The following SUCLG2 variants were observed in gnomAD, a reference collection of about 807,000 sequenced individuals.
The protein encoded by SUCLG2 is succinate--CoA ligase [GDP-forming] subunit beta, mitochondrial.
SUCLG2 carries 42 observed loss-of-function variants against 47.9 expected under a neutral mutation model. The ratio of observed to expected loss-of-function variants is 0.88; its 90% CI spans 0.69 to 1.14. The LOEUF (loss-of-function observed/expected upper bound fraction) is 1.14, where lower values mean the gene tolerates loss of function less well. Among genes scored for constraint, SUCLG2 ranks in the 50% most tolerant of loss-of-function variants. SUCLG2 has a pLI of 0.00. For synonymous variants in SUCLG2, 195 were observed against 197.3 expected (o/e 0.99, Z 0.10); for missense variants, 571 against 525.9 (o/e 1.09, Z -0.84).
chr3:67,539,562 T>C (rs2107171247), intron 2 of SUCLG2, among the ~76,000 whole-genome samples: 1 of 152,370 alleles, frequency 6.6e-6, no homozygotes, highest in East Asian at 1.9e-4. Flanking sequence ...ATCAGGATGA[T>C]GCTGGCATCA....
chr3:67,360,797 AG>A, intron 10 of SUCLG2: 1 of 1,488,572 alleles, frequency 6.7e-7, no homozygotes, highest in Non-Finnish European at 8.9e-7. Flanking sequence ...TCTTGTAATG[AG>A]TTTTTTCTTG....
At chr3:67,370,279 T>TA (rs1207595479), downstream of SUCLG2, among the ~76,000 whole-genome samples, 1 of 152,178 alleles carries the variant, frequency 6.6e-6, no homozygotes, top group African/African-American at 2.4e-5. Flanking sequence ...ATATGTTTAA[T>TA]AAAGAACAAT....
At chr3:67,587,413 G>A (rs941674725) in intron 2 of SUCLG2, among the ~76,000 whole-genome samples, 6 of 152,176 alleles carry the variant, frequency 3.9e-5, no homozygotes, top group African/African-American at 9.7e-5. Context: ...CCCATATTGC[G>A]TCTGCAGTCA....
At chr3:67,589,309 C>T (rs1263174019) in intron 2 of SUCLG2, among the ~76,000 whole-genome samples, 5 of 152,324 alleles carry the variant, frequency 3.3e-5, no homozygotes, top group Admixed American at 1.3e-4. Flanking sequence ...TAAGTCTTTA[C>T]ATGGTTTTCT....
chr3:67,636,353 C>CTT (rs373165988), intron 1 of SUCLG2, among the ~76,000 whole-genome samples: 10 of 138,002 alleles, frequency 7.2e-5, no homozygotes, highest in African/African-American at 2.1e-4. Flanking sequence ...AGGCAGAATC[C>CTT]TTTTTTTTTT....
chr3:67,645,633 T>C (rs1402301579), intron 1 of SUCLG2, among the ~76,000 whole-genome samples: 1 of 152,132 alleles, frequency 6.6e-6, no homozygotes, highest in African/African-American at 2.4e-5. Flanking sequence ...ATTTTAATGA[T>C]ACATCACTTT....
At chr3:67,364,755 T>C (rs564165974) in intron 10 of SUCLG2, among the ~76,000 whole-genome samples, 1 of 152,140 alleles carries the variant, frequency 6.6e-6, no homozygotes, top group Non-Finnish European at 1.5e-5. Context: ...AATGTCCAAG[T>C]TTCAATCGAG....
intron 2 of SUCLG2, among the ~76,000 whole-genome samples, chr3:67,547,629 G>A (rs1331337586): frequency 6.6e-6 from 1 of 152,092 alleles, no homozygotes; most frequent in African/African-American, 2.4e-5. Context: ...TACCCTAGAA[G>A]AATTTCCCAG....
chr3:67,438,168 T>A (rs1703669993), intron 9 of SUCLG2, among the ~76,000 whole-genome samples: 3 of 152,188 alleles, frequency 2.0e-5, no homozygotes, highest in African/African-American at 7.2e-5. Flanking sequence ...AATAAATAAG[T>A]TCTTTGAAAC....
intron 2 of SUCLG2, among the ~76,000 whole-genome samples, chr3:67,587,337 G>A (rs1708049984): frequency 6.6e-6 from 1 of 152,276 alleles, no homozygotes; most frequent in Admixed American, 6.5e-5. Flanking sequence ...AGGCCAAGCT[G>A]GCTTGCTAAG....
intron 1 of SUCLG2, among the ~76,000 whole-genome samples, chr3:67,650,275 C>G (rs916061673): frequency 6.6e-6 from 1 of 152,230 alleles, no homozygotes; most frequent in African/African-American, 2.4e-5. Context: ...CCTTCACTTA[C>G]AAAAGTCATG....
At chr3:67,498,666 T>A (rs189735297) in intron 7 of SUCLG2, among the ~76,000 whole-genome samples, 1 of 152,312 alleles carries the variant, frequency 6.6e-6, no homozygotes, top group African/African-American at 2.4e-5. Context: ...CACCTTTCTC[T>A]TCTATGTAAA....
chr3:67,632,121 T>C (rs186263265), intron 1 of SUCLG2, among the ~76,000 whole-genome samples: 99 of 152,298 alleles, frequency 6.5e-4, no homozygotes, highest in African/African-American at 2.1e-3. Flanking sequence ...CATTGAGCCA[T>C]ATATTATGTA....
Position 67,403,979 on chromosome 3 carries a change from G to A in SUCLG2, c.1063-3128C>T, listed in dbSNP as rs572180648. ...TGACTCACTGCAACCTCCGCCTCCTGGGTTCAAGTGGTTCTCATACCTCAG... is the reference window on the plus strand; with the variant it reads ...TGACTCACTGCAACCTCCGCCTCCTAGGTTCAAGTGGTTCTCATACCTCAG... On this transcript the variant is annotated intron_variant, in intron 9 of 10. Coordinates refer to ENST00000307227, the MANE Select transcript of SUCLG2 (RefSeq NM_003848.4). Among the ~76,000 whole-genome samples, 901 of 152,214 alleles carry A rather than the reference G, an allele frequency of 5.9e-3. 9 individuals carry two copies. The highest frequency in any genetic ancestry group is 0.021 in the African/African-American group (852 of 41,516).
At chr3:67,466,818 C>T (rs1051809695) in intron 9 of SUCLG2, among the ~76,000 whole-genome samples, 12 of 152,256 alleles carry the variant, frequency 7.9e-5, no homozygotes, top group East Asian at 5.8e-4. Flanking sequence ...TATCAGGAAA[C>T]GTATGGACAG....
intron 9 of SUCLG2, among the ~76,000 whole-genome samples, chr3:67,409,806 T>G (rs1040093740): frequency 6.6e-6 from 1 of 152,120 alleles, no homozygotes; most frequent in Non-Finnish European, 1.5e-5. Flanking sequence ...CAGCTCTAAA[T>G]AGAATGAAGA....
At chr3:67,498,432 G>A in intron 7 of SUCLG2, 137 bp from the exon 8 acceptor site, 1 of 859,182 alleles carries the variant, frequency 1.2e-6, no homozygotes, top group South Asian at 2.0e-5. Flanking sequence ...AGGAGAGGCT[G>A]CTTTGGCTTT....
chr3:67,627,814 G>C (rs993321955), intron 1 of SUCLG2, among the ~76,000 whole-genome samples: 6 of 152,146 alleles, frequency 3.9e-5, no homozygotes, highest in African/African-American at 1.2e-4. Context: ...ACCAGCCTTG[G>C]AGCCACTGAA....
At chr3:67,504,688 T>C (rs1367000466) in intron 7 of SUCLG2, among the ~76,000 whole-genome samples, 1 of 152,128 alleles carries the variant, frequency 6.6e-6, no homozygotes, top group East Asian at 1.9e-4. Context: ...CTAAAAATGT[T>C]CCCTGGGGGA....
Sources: allele counts gnomAD v4.1 joint callset (sites outside exome capture counted in the v4.1 genomes callset), GRCh38; gene constraint gnomAD v4.1.1; transcripts MANE v1.5; gene names NCBI Gene and HGNC (gene_info 2026-07-23, HGNC 2026-07-21).